Variants in MAN1A1 observed in about 807,000 individuals in gnomAD.
The protein encoded by MAN1A1 is mannosidase alpha class 1A member 1.
Under a neutral mutation model 70.8 loss-of-function variants are expected in MAN1A1, and 29 were observed. The observed-to-expected ratio is 0.41, with a 90% CI of 0.31 to 0.56. The LOEUF (loss-of-function observed/expected upper bound fraction) is 0.56. Ranked by LOEUF, MAN1A1 falls within the 20% of genes least tolerant of loss-of-function variation. The pLI is 0.29. For missense variants in MAN1A1, 747 were observed against 841.3 expected (o/e 0.89, Z 1.39); for synonymous variants, 349 against 330.1 (o/e 1.06, Z -0.62).
intron 2 of MAN1A1, among the ~76,000 whole-genome samples, chr6:119,342,299 C>T (rs1228305516): frequency 1.3e-5 from 2 of 152,172 alleles, no homozygotes; most frequent in Non-Finnish European, 2.9e-5. Flanking sequence ...TTTGAAACTT[C>T]ATTATCCACT....
intron 2 of MAN1A1, among the ~76,000 whole-genome samples, chr6:119,328,150 A>G (rs1484757138): frequency 1.3e-5 from 2 of 152,212 alleles, no homozygotes; most frequent in East Asian, 3.8e-4. Context: ...ATAATTTGTT[A>G]GAGCAATGAA....
chr6:119,234,692 A>G (rs1294098255), intron 6 of MAN1A1, among the ~76,000 whole-genome samples: 1 of 152,176 alleles, frequency 6.6e-6, no homozygotes, highest in Non-Finnish European at 1.5e-5. Flanking sequence ...GAGATGACAG[A>G]GTATGAGTCA....
intron 8 of MAN1A1, among the ~76,000 whole-genome samples, chr6:119,198,906 T>C (rs903764245): frequency 6.6e-6 from 1 of 152,224 alleles, no homozygotes; most frequent in Non-Finnish European, 1.5e-5. Context: ...AGTCAACAAG[T>C]GGTTTCTTTT....
chr6:119,200,616 T>C (rs1382987303), intron 8 of MAN1A1, among the ~76,000 whole-genome samples: 2 of 152,184 alleles, frequency 1.3e-5, no homozygotes, highest in African/African-American at 4.8e-5. Flanking sequence ...CAAATCAGCT[T>C]GAGAACATTT....
intron 6 of MAN1A1, among the ~76,000 whole-genome samples, chr6:119,220,455 T>C (rs1334758680): frequency 6.6e-6 from 1 of 152,192 alleles, no homozygotes; most frequent in Middle Eastern, 3.2e-3. Context: ...TGTAAACAAA[T>C]AAGGCAATGC....
At chr6:119,305,539 T>A (rs868482061) in intron 3 of MAN1A1, among the ~76,000 whole-genome samples, 14 of 152,142 alleles carry the variant, frequency 9.2e-5, no homozygotes, top group African/African-American at 3.4e-4. Flanking sequence ...CTACTGCCTC[T>A]ACTTCAGGTA....
chr6:119,239,421 T>C (rs967941716), intron 6 of MAN1A1, among the ~76,000 whole-genome samples: 7 of 152,224 alleles, frequency 4.6e-5, no homozygotes, highest in African/African-American at 1.7e-4. Flanking sequence ...TTTCAGAACA[T>C]ATCAACTATA....
intron 5 of MAN1A1, among the ~76,000 whole-genome samples, chr6:119,261,486 T>C (rs1487673276): frequency 6.6e-6 from 1 of 152,190 alleles, no homozygotes; most frequent in Non-Finnish European, 1.5e-5. Context: ...ATGACAGCTG[T>C]GGTCAATGAC....
At chr6:119,218,564 A>G (rs1006903178) in intron 6 of MAN1A1, among the ~76,000 whole-genome samples, 7 of 151,958 alleles carry the variant, frequency 4.6e-5, no homozygotes, top group African/African-American at 1.7e-4. Flanking sequence ...ATCGATAAAA[A>G]AAAAAACACA....
chr6:119,267,105 G>A (rs778946199), intron 5 of MAN1A1, among the ~76,000 whole-genome samples: 3 of 152,242 alleles, frequency 2.0e-5, no homozygotes, highest in Non-Finnish European at 2.9e-5. Context: ...TGGTGAGGGT[G>A]TGAAACAACG....
chr6:119,285,790 G>C (rs11153804), intron 5 of MAN1A1, among the ~76,000 whole-genome samples: 57,401 of 151,786 alleles, frequency 0.38, 11,333 homozygotes, highest in Non-Finnish European at 0.41. Context: ...ATTTCTGGTG[G>C]ATCCAAATGT....
At chr6:119,295,189 C>T (rs1236865601) in intron 4 of MAN1A1, among the ~76,000 whole-genome samples, 3 of 152,156 alleles carry the variant, frequency 2.0e-5, no homozygotes, top group African/African-American at 7.2e-5. Flanking sequence ...AAAATGAACA[C>T]GTCAAAATCT....
At chr6:119,205,966 T>C (rs1265732705) in intron 6 of MAN1A1, among the ~76,000 whole-genome samples, 2 of 152,182 alleles carry the variant, frequency 1.3e-5, no homozygotes, top group Non-Finnish European at 2.9e-5. Flanking sequence ...AATGCCGAGA[T>C]AAATGTGTGA....
rs77652888 is a variant in MAN1A1, at chr6:119,309,475, G to C, written c.604-2483C>G. ...CAGTTCTCATGAGCTGGCAGGACAA[G>C]GAAGTCACTTCTAAAAGTTAACTAC... On this transcript the variant is annotated intron_variant, in intron 2 of 12. Transcript: ENST00000368468. Among the ~76,000 whole-genome samples the C allele has an allele frequency of 5.9e-3, 897 of 152,240 alleles. 31 individuals are homozygous for C. In the East Asian group the frequency reaches 0.09, roughly 15 times the overall value.
intron 6 of MAN1A1, among the ~76,000 whole-genome samples, chr6:119,210,734 G>C (rs1254501149): frequency 6.6e-6 from 1 of 151,478 alleles, no homozygotes; most frequent in African/African-American, 2.4e-5. Flanking sequence ...CTTATGTTCA[G>C]ACAAAAATGT....
intron 11 of MAN1A1, among the ~76,000 whole-genome samples, chr6:119,180,687 T>C (rs1441431661): frequency 1.3e-5 from 2 of 152,044 alleles, no homozygotes; most frequent in African/African-American, 4.8e-5. Flanking sequence ...TAATTTTTTG[T>C]ATTTTTTGTA....
intron 6 of MAN1A1, among the ~76,000 whole-genome samples, chr6:119,231,301 T>C (rs1284169270): frequency 6.6e-6 from 1 of 152,070 alleles, no homozygotes; most frequent in Non-Finnish European, 1.5e-5. Context: ...GCTGTTCTTG[T>C]GATAGTGAGT....
rs764292010 is a variant in MAN1A1 at position 119,188,404 on chromosome 6, C to G, written c.1719+1G>C. On this transcript the variant is annotated splice_donor_variant, in intron 11 of 12. Coordinates refer to ENST00000368468, the MANE Select transcript of MAN1A1 (RefSeq NM_005907.4). LOFTEE classifies it high-confidence loss of function. ...AAGAAACATGCAAATTAAAACATCA[C>G]CTCTACGGCTTCCCAGGCCCATTTC... 1 of 1,603,428 alleles carries G rather than the reference C, an allele frequency of 6.2e-7. No homozygotes were observed. The highest frequency in any genetic ancestry group is 1.1e-5 in the South Asian group (1 of 88,152).
At chr6:119,284,647 T>A (rs1035622408) in intron 5 of MAN1A1, among the ~76,000 whole-genome samples, 1 of 152,208 alleles carries the variant, frequency 6.6e-6, no homozygotes, top group Non-Finnish European at 1.5e-5. Context: ...TGTATTTTTT[T>A]AAGTATAACT....
Sources: allele counts gnomAD v4.1 joint callset (sites outside exome capture counted in the v4.1 genomes callset), GRCh38; gene constraint gnomAD v4.1.1; transcripts MANE v1.5; gene names NCBI Gene and HGNC (gene_info 2026-07-23, HGNC 2026-07-21).